MAGI2: variants seen among roughly 807,000 people sequenced by gnomAD.
The protein encoded by MAGI2 is membrane associated guanylate kinase, WW and PDZ domain containing 2, also known as membrane-associated guanylate kinase, WW and PDZ domain-containing protein 2.
Under a neutral mutation model 133.3 loss-of-function variants are expected in MAGI2, and 35 were observed. The observed-to-expected ratio is 0.26, with a 90% CI of 0.20 to 0.35. The LOEUF is 0.35. Ranked by LOEUF, MAGI2 falls within the 10% of genes least tolerant of loss-of-function variation. MAGI2 has a pLI of 1.00. For missense variants in MAGI2, 1,636 were observed against 1,863.4 expected (o/e 0.88, Z 2.25); for synonymous variants, 729 against 710.6 (o/e 1.03, Z -0.41).
At position 79,344,034 on chromosome 7, in the gene MAGI2, T is replaced by A. The variant is rs1841118155; in HGVS notation, c.301+108986A>T. 2.6e-5 allele frequency among the ~76,000 whole-genome samples: 4 copies of A among 152,188 alleles called. No homozygotes were observed. The South Asian group carries it at 8.3e-4, about 32-fold the overall frequency. ...ACTAAATTAGTGTTACTTCCTAATT[T>A]TATAGGTAAGGTAAGTAAGTGAGAA... On this transcript the variant is annotated intron_variant, in intron 1 of 21. Coordinates refer to ENST00000354212, the MANE Select transcript of MAGI2 (RefSeq NM_012301.4).
At chr7:78,510,903 A>C (rs1438842368) in intron 4 of MAGI2, among the ~76,000 whole-genome samples, 1 of 152,134 alleles carries the variant, frequency 6.6e-6, no homozygotes, top group Non-Finnish European at 1.5e-5. Context: ...ATATACCCCC[A>C]GAGCAACTTT....
At chr7:79,428,650 A>G (rs1216092543) in intron 1 of MAGI2, among the ~76,000 whole-genome samples, 1 of 152,204 alleles carries the variant, frequency 6.6e-6, no homozygotes, top group Non-Finnish European at 1.5e-5. Context: ...CATCACCATT[A>G]TATGTTTTCT....
At chr7:78,199,282 A>G (rs1829019769) in intron 11 of MAGI2, among the ~76,000 whole-genome samples, 1 of 152,230 alleles carries the variant, frequency 6.6e-6, no homozygotes, top group South Asian at 2.1e-4. Flanking sequence ...ATTGTTATAT[A>G]CTTGTTTTGA....
intron 1 of MAGI2, among the ~76,000 whole-genome samples, chr7:79,135,685 T>G (rs1821331244): frequency 6.6e-6 from 1 of 151,992 alleles, no homozygotes; most frequent in South Asian, 2.1e-4. Flanking sequence ...AGATGTAATC[T>G]CAGCATTTTG....
At chr7:79,136,048 G>GGAAAGAAAGAAAGAAA (rs1397100255) in intron 1 of MAGI2, among the ~76,000 whole-genome samples, 44 of 64,504 alleles carry the variant, frequency 6.8e-4, no homozygotes, top group African/African-American at 2.5e-3. Flanking sequence ...AAAGAAAGAA[G>GGAAAGAAAGAAAGAAA]GAAAGAAAGA....
chr7:78,799,647 A>G (rs545010540), intron 2 of MAGI2, among the ~76,000 whole-genome samples: 5 of 152,198 alleles, frequency 3.3e-5, no homozygotes, highest in African/African-American at 1.2e-4. Flanking sequence ...TTTGCTTCTT[A>G]TGTCAAGGCA....
At chr7:79,046,465 A>G (rs1812191955) in intron 1 of MAGI2, among the ~76,000 whole-genome samples, 1 of 152,254 alleles carries the variant, frequency 6.6e-6, no homozygotes, top group Non-Finnish European at 1.5e-5. Context: ...CTGCTGTTGA[A>G]GTCACCCAGT....
chr7:78,066,899 C>T (rs991655861), intron 21 of MAGI2, among the ~76,000 whole-genome samples: 1 of 152,162 alleles, frequency 6.6e-6, no homozygotes. Flanking sequence ...TGATTCTCCC[C>T]GTCTGCATGC....
chr7:78,693,230 C>T (rs1817153950), intron 2 of MAGI2, among the ~76,000 whole-genome samples: 2 of 152,172 alleles, frequency 1.3e-5, no homozygotes, highest in African/African-American at 4.8e-5. Context: ...ATGCCTGTCA[C>T]ATAGTGCTTT....
At chr7:79,032,648 C>A (rs1810715385) in intron 1 of MAGI2, among the ~76,000 whole-genome samples, 1 of 151,758 alleles carries the variant, frequency 6.6e-6, no homozygotes, top group African/African-American at 2.4e-5. Flanking sequence ...ATGTAAAAAT[C>A]TGAAGCACTC....
chr7:79,325,097 T>C (rs1839588677), intron 1 of MAGI2, among the ~76,000 whole-genome samples: 1 of 152,040 alleles, frequency 6.6e-6, no homozygotes, highest in Admixed American at 6.6e-5. Flanking sequence ...CATAAATACG[T>C]CCTGGGAATC....
chr7:78,756,995 C>T (rs961140123), intron 2 of MAGI2, among the ~76,000 whole-genome samples: 1 of 152,168 alleles, frequency 6.6e-6, no homozygotes, highest in Non-Finnish European at 1.5e-5. Context: ...CCCTTTCCCA[C>T]TTTCCTAGAC....
chr7:79,232,262 G>T (rs1199338044), intron 1 of MAGI2, among the ~76,000 whole-genome samples: 12 of 150,044 alleles, frequency 8.0e-5, no homozygotes, highest in Non-Finnish European at 1.8e-4. Context: ...CTCTTTTTTG[G>T]TTGTGTCTCT....
At chr7:79,136,109 GA>G (rs1562929462) in intron 1 of MAGI2, among the ~76,000 whole-genome samples, 64 of 150,376 alleles carry the variant, frequency 4.3e-4, no homozygotes, top group African/African-American at 8.8e-4. Flanking sequence ...AAGAAAGAAA[GA>G]AAGAAAGAAA....
chr7:78,740,468 T>C (rs1343621988), intron 2 of MAGI2, among the ~76,000 whole-genome samples: 8 of 152,258 alleles, frequency 5.3e-5, no homozygotes, highest in Non-Finnish European at 1.2e-4. Context: ...TCAAAATCTT[T>C]AATCGCAGTA....
At chr7:79,444,095 CT>C (rs1848679875) in intron 1 of MAGI2, among the ~76,000 whole-genome samples, 1 of 152,116 alleles carries the variant, frequency 6.6e-6, no homozygotes, top group African/African-American at 2.4e-5. Context: ...CAGAAAAGGC[CT>C]TTGACAAAAT....
chr7:78,567,906 C>G (rs939744373), intron 3 of MAGI2: 2 of 152,220 alleles, frequency 1.3e-5, no homozygotes, highest in Non-Finnish European at 2.9e-5. Flanking sequence ...TCACTCCAAT[C>G]AGGCATTTGT....
chr7:79,303,211 A>C (rs1176829978), intron 1 of MAGI2, among the ~76,000 whole-genome samples: 3 of 152,188 alleles, frequency 2.0e-5, no homozygotes, highest in African/African-American at 7.2e-5. Context: ...GATGTACACT[A>C]TTCAGGTGAC....
At chr7:78,478,306 T>C (rs77689240) in intron 6 of MAGI2, among the ~76,000 whole-genome samples, 4,343 of 152,002 alleles carry the variant, frequency 0.029, 165 homozygotes, top group Admixed American at 0.11. Flanking sequence ...TTTAATCTAG[T>C]TTCCCTTAAC....
Sources: allele counts gnomAD v4.1 joint callset (sites outside exome capture counted in the v4.1 genomes callset), GRCh38; gene constraint gnomAD v4.1.1; transcripts MANE v1.5; gene names NCBI Gene and HGNC (gene_info 2026-07-23, HGNC 2026-07-21).